Variants in FAM178B observed in about 807,000 individuals in gnomAD.
The protein encoded by FAM178B is family with sequence similarity 178 member B.
Under a neutral mutation model 91.7 loss-of-function variants are expected in FAM178B, and 82 were observed. That is an observed-to-expected ratio of 0.89 (90% CI 0.75 to 1.07). The LOEUF (loss-of-function observed/expected upper bound fraction) is 1.07, where lower values mean the gene tolerates loss of function less well. Ranked by LOEUF, FAM178B falls within the 50% of genes least tolerant of loss-of-function variation. The pLI, the probability that FAM178B is intolerant of heterozygous loss-of-function variation, is 0.00. For synonymous variants in FAM178B, 368 were observed against 359.4 expected (o/e 1.02, Z -0.27); for missense variants, 769 against 846.7 (o/e 0.91, Z 1.14).
chr2:96,960,457 C>G lies in FAM178B; in HGVS notation c.735-17G>C, dbSNP rs771044808. 1.6e-5 allele frequency: 24 copies of G among 1,526,032 alleles called. No individual in the cohort carries two copies. In the Middle Eastern group the frequency reaches 1.2e-3, roughly 75 times the overall value. 94.5% of individuals were successfully genotyped at this position (1,526,032 alleles called of 1,614,324 possible). ...ACCAGCATCCTGGCAAGGCAAGGGG[C>G]AGGAGGGCCGGGCATCAGCAGATGC... On this transcript the variant is annotated splice_polypyrimidine_tract_variant and intron_variant, in intron 5 of 16. Coordinates refer to ENST00000490605, the MANE Select transcript of FAM178B (RefSeq NM_001122646.3).
At chr2:96,904,400 C>T (rs572580414) in intron 12 of FAM178B, among the ~76,000 whole-genome samples, 60 of 152,162 alleles carry the variant, frequency 3.9e-4, no homozygotes, top group Admixed American at 5.9e-4. Context: ...GAGACAGAGT[C>T]TCGTTCTGTC....
Position 96,972,257 on chromosome 2 carries a change from G to A in FAM178B, c.208C>T (p.Pro70Ser), listed in dbSNP as rs115760329. Residue 70 changes from proline to serine, a missense_variant, in exon 3 of 17, where the codon CCC (proline) becomes TCC (serine). Pro to Ser is a moderately conservative substitution (Grantham distance 74). Transcript: ENST00000490605. ...GGGCAGCGGGGCCCCTGGTCCAGGG[G>A]ATGGTCTGACAAGCCATCCTCCAGG... Reference protein sequence around the residue: ...YNLEDGLSDHPLDQGPRCPAR... With the variant: ...YNLEDGLSDHSLDQGPRCPAR... The A allele has an allele frequency of 6.6e-7, 1 of 1,505,120 alleles. No homozygotes were observed. The highest frequency in any genetic ancestry group is 8.9e-7 in the Non-Finnish European group (1 of 1,127,528). The allele number at this position is 1,505,120 out of a possible 1,614,324, so 93.2% of individuals were successfully genotyped here. A position where few individuals can be genotyped will look rare whatever the true frequency, so the allele number is the denominator to read the frequency against.
chr2:96,980,714 T>C (rs1040850002), intron 1 of FAM178B, among the ~76,000 whole-genome samples: 5 of 152,166 alleles, frequency 3.3e-5, no homozygotes, highest in African/African-American at 1.2e-4. Context: ...CTTGCATTTT[T>C]TAATTTGGGT....
intron 8 of FAM178B, among the ~76,000 whole-genome samples, chr2:96,940,066 G>A (rs2081701063): frequency 6.6e-6 from 1 of 152,148 alleles, no homozygotes; most frequent in African/African-American, 2.4e-5. Context: ...TCTCCTGGGT[G>A]GTCCTCCAAG....
rs1349718813 is a variant in FAM178B at position 96,905,814 on chromosome 2, GTGTGTATATATATATATATATA to G, written c.1563-3129_1563-3108del. Among the ~76,000 whole-genome samples, 130 of 34,474 alleles carry G rather than the reference GTGTGTATATATATATATATATA, an allele frequency of 3.8e-3. 3 individuals carry two copies. Among genetic ancestry groups the G allele is most frequent in the African/African-American group, 0.014 (127 of 8,866 alleles). 22.6% of individuals were successfully genotyped at this position (34,474 alleles called of 152,430 possible). A position where few individuals can be genotyped will look rare whatever the true frequency, so the allele number is the denominator to read the frequency against. On this transcript the variant is annotated intron_variant, in intron 12 of 16. Transcript: ENST00000490605. The stretch of plus-strand genomic sequence containing the variant: ...TATATACACAAAAATATACATATAT[GTGTGTATATATATATATATATA>G]TATATATATATATATATATATATAT...
At chr2:96,930,879 C>T (rs558615298) in intron 8 of FAM178B, among the ~76,000 whole-genome samples, 14 of 152,146 alleles carry the variant, frequency 9.2e-5, no homozygotes, top group Non-Finnish European at 1.8e-4. Context: ...CCCCTTTTAC[C>T]CTTCTGCCAC....
intron 1 of FAM178B, among the ~76,000 whole-genome samples, chr2:96,977,194 CAAAAAA>C (rs70964891): frequency 2.6e-4 from 10 of 38,502 alleles, no homozygotes; most frequent in African/African-American, 1.0e-3. Context: ...GACTCTGTCT[CAAAAAA>C]AAAAAAAAAA....
intron 1 of FAM178B, among the ~76,000 whole-genome samples, chr2:96,985,105 G>C (rs2082406562): frequency 6.6e-6 from 1 of 152,188 alleles, no homozygotes; most frequent in Admixed American, 6.5e-5. Flanking sequence ...ATTCTAGTTG[G>C]TGTGACCTGC....
intron 12 of FAM178B, among the ~76,000 whole-genome samples, chr2:96,912,737 C>G (rs2081179927): frequency 6.6e-6 from 1 of 152,256 alleles, no homozygotes; most frequent in African/African-American, 2.4e-5. Context: ...TGCCTCCCAG[C>G]TCCAGCCCAG....
intron 6 of FAM178B, chr2:96,951,945 C>T (rs6736365): frequency 0.077 from 12,658 of 163,936 alleles, 1,217 homozygotes; most frequent in African/African-American, 0.23. Context: ...TGCTTGAACC[C>T]GGGAGGTGGA....
intron 12 of FAM178B, 76 bp downstream of exon 12, chr2:96,921,089 G>A: frequency 8.1e-7 from 1 of 1,239,402 alleles, no homozygotes; most frequent in Non-Finnish European, 1.2e-6. Context: ...GGGCTGATGG[G>A]GAGGACTCTG....
rs191689054 is a variant in FAM178B, at chr2:96,920,870, C to T, written c.1562+295G>A. Among the ~76,000 whole-genome samples, 9 of 152,172 alleles carry T rather than the reference C, an allele frequency of 5.9e-5. No individual in the cohort carries two copies. In the East Asian group the frequency reaches 9.7e-4, roughly 16 times the overall value. On this transcript the variant is annotated intron_variant, in intron 12 of 16. Transcript: ENST00000490605. ...CAGAATTCAGCTGAGGTCTGAATGACGAGGAGGAGCTGAAGACTGGGGAGG... is the reference window on the plus strand; with the variant it reads ...CAGAATTCAGCTGAGGTCTGAATGATGAGGAGGAGCTGAAGACTGGGGAGG...
At chr2:96,971,129 A>C (rs1439807429) in intron 3 of FAM178B, among the ~76,000 whole-genome samples, 1 of 151,660 alleles carries the variant, frequency 6.6e-6, no homozygotes, top group Non-Finnish European at 1.5e-5. Flanking sequence ...TGCACCACAC[A>C]CTTTTCAATC....
At chr2:96,876,361 C>G in intron 16 of FAM178B, 53 bp from the exon 17 acceptor site, 1 of 1,566,302 alleles carries the variant, frequency 6.4e-7, no homozygotes, top group East Asian at 2.3e-5. Flanking sequence ...GTGCTGCCCA[C>G]TGCCCTGCAG....
At chr2:96,958,627 T>C (rs1368842456) in intron 6 of FAM178B, among the ~76,000 whole-genome samples, 1 of 133,222 alleles carries the variant, frequency 7.5e-6, no homozygotes, top group African/African-American at 2.9e-5. Flanking sequence ...GGGGCGGAGG[T>C]TGCAGTGAGC....
intron 1 of FAM178B, among the ~76,000 whole-genome samples, chr2:96,976,019 A>C (rs555107592): frequency 6.6e-6 from 1 of 152,346 alleles, no homozygotes; most frequent in South Asian, 2.1e-4. Context: ...ACAACAGCAG[A>C]ATACACATTC....
At chr2:96,977,641 C>T (rs1051562491) in intron 1 of FAM178B, among the ~76,000 whole-genome samples, 4 of 151,930 alleles carry the variant, frequency 2.6e-5, no homozygotes, top group African/African-American at 9.7e-5. Flanking sequence ...GGAGAAGCAG[C>T]AGAAACTGCT....
At chr2:96,876,645 G>A (rs1051562883) in intron 16 of FAM178B, among the ~76,000 whole-genome samples, 2 of 152,144 alleles carry the variant, frequency 1.3e-5, no homozygotes, top group Admixed American at 6.5e-5. Context: ...GAGACTTGGC[G>A]AAATCTGAGA....
intron 12 of FAM178B, among the ~76,000 whole-genome samples, chr2:96,916,435 T>C (rs549812752): frequency 1.1e-3 from 171 of 152,348 alleles, no homozygotes; most frequent in African/African-American, 4.0e-3. Flanking sequence ...TCATCTGACC[T>C]TCTGCTTTGA....
Sources: allele counts gnomAD v4.1 joint callset (sites outside exome capture counted in the v4.1 genomes callset), GRCh38; gene constraint gnomAD v4.1.1; transcripts MANE v1.5; gene names NCBI Gene and HGNC (gene_info 2026-07-23, HGNC 2026-07-21).